The following SLC36A1 variants were observed in gnomAD, a reference collection of about 807,000 sequenced individuals.
SLC36A1 encodes the protein proton-coupled amino acid transporter 1.
A neutral mutation model predicts 47.5 loss-of-function variants in SLC36A1; 30 were observed. That is an observed-to-expected ratio of 0.63 (90% CI 0.47 to 0.86). The LOEUF (loss-of-function observed/expected upper bound fraction) is 0.86, where lower values mean the gene tolerates loss of function less well. Among genes scored for constraint, SLC36A1 ranks in the 40% least tolerant of loss-of-function variants. SLC36A1 has a pLI of 0.00. For missense variants in SLC36A1, 517 were observed against 606.0 expected, an observed-to-expected ratio of 0.85 and a Z score of 1.54; for synonymous variants, 255 against 249.7, an observed-to-expected ratio of 1.02 and a Z score of -0.20.
the SLC36A1 span, among the ~76,000 whole-genome samples, chr5:151,547,423 T>TG: frequency 6.6e-6 from 1 of 152,226 alleles, no homozygotes; most frequent in African/African-American, 2.4e-5. Context: ...GAGTAATACT[T>TG]GAATTGTTTT....
the SLC36A1 span, among the ~76,000 whole-genome samples, chr5:151,513,202 G>A: frequency 6.7e-3 from 1,014 of 152,308 alleles, 10 homozygotes; most frequent in African/African-American, 0.024. Context: ...CCAGGCAAAA[G>A]AGAGGCTTGC....
upstream of SLC36A1, among the ~76,000 whole-genome samples, chr5:151,433,456 T>TG (rs2127434236): frequency 6.7e-6 from 1 of 148,186 alleles, no homozygotes; most frequent in South Asian, 2.2e-4. Context: ...GCTGTTTTTT[T>TG]TTGTGTGTGT....
the SLC36A1 span, chr5:151,544,827 C>A: frequency 1.2e-6 from 2 of 1,614,184 alleles, no homozygotes; most frequent in East Asian, 2.2e-5. Context: ...CCCCATTTGT[C>A]CCCAAGTCCT....
the SLC36A1 span, among the ~76,000 whole-genome samples, chr5:151,520,420 T>G: frequency 2.0e-5 from 3 of 152,224 alleles, no homozygotes; most frequent in South Asian, 6.2e-4. Flanking sequence ...AAATCTCATA[T>G]CTCAGTTCCA....
chr5:151,450,292 A>G (rs1310713148), intron 1 of SLC36A1, among the ~76,000 whole-genome samples: 1 of 151,142 alleles, frequency 6.6e-6, no homozygotes, highest in Non-Finnish European at 1.5e-5. Flanking sequence ...GCTGATGTCC[A>G]CTTACTAGCA....
the SLC36A1 span, among the ~76,000 whole-genome samples, chr5:151,419,176 C>T: frequency 3.2e-3 from 494 of 152,282 alleles, 2 homozygotes; most frequent in African/African-American, 0.011. Context: ...ATAAATTATC[C>T]AGTCTTGGGC....
At chr5:151,512,184 G>A in the SLC36A1 span, 1 of 1,613,686 alleles carries the variant, frequency 6.2e-7, no homozygotes. This position sits in a 1 kb window ranked among gnomAD's most constrained non-coding sequence, Gnocchi z 4.1. Flanking sequence ...GGGTCCATGA[G>A]CACTTCCCAC....
the SLC36A1 span, chr5:151,540,875 C>T: frequency 9.2e-6 from 9 of 982,236 alleles, no homozygotes; most frequent in Non-Finnish European, 1.3e-5. Flanking sequence ...GGAAAGCAAA[C>T]ATTTCCTTCC....
At chr5:151,525,870 C>T in the SLC36A1 span, 2 of 1,614,102 alleles carry the variant, frequency 1.2e-6, no homozygotes, top group Non-Finnish European at 1.7e-6. Flanking sequence ...CGTTGTTCCC[C>T]TTGGTGATTC....
chr5:151,432,979 C>G (rs1580996729), upstream of SLC36A1, among the ~76,000 whole-genome samples: 2 of 151,796 alleles, frequency 1.3e-5, no homozygotes, highest in African/African-American at 2.4e-5. Flanking sequence ...AAAGCCATAC[C>G]TGGACTTCTG....
the SLC36A1 span, among the ~76,000 whole-genome samples, chr5:151,415,691 A>C: frequency 6.6e-6 from 1 of 152,180 alleles, no homozygotes; most frequent in Non-Finnish European, 1.5e-5. Flanking sequence ...TTTTCCTAGC[A>C]CACAGCATGA....
chr5:151,437,190 A>C (rs1759816909), intron 1 of SLC36A1: 1 of 152,348 alleles, frequency 6.6e-6, no homozygotes, highest in Admixed American at 6.5e-5. Flanking sequence ...GTAAGAGTTT[A>C]GGGGAGGCTC....
chr5:151,393,103 G>A, the SLC36A1 span, among the ~76,000 whole-genome samples: 60,919 of 147,730 alleles, frequency 0.41, 12,865 homozygotes, highest in African/African-American at 0.51. Context: ...GGGTGCATAT[G>A]TATTTAGGAT....
At chr5:151,430,331 A>AT in the SLC36A1 span, among the ~76,000 whole-genome samples, 268 of 117,494 alleles carry the variant, frequency 2.3e-3, 1 homozygote, top group Non-Finnish European at 3.0e-3. Flanking sequence ...CACCTGGCTA[A>AT]TTTTTTTTTT....
At chr5:151,521,019 C>A in the SLC36A1 span, among the ~76,000 whole-genome samples, 7 of 152,240 alleles carry the variant, frequency 4.6e-5, no homozygotes, top group African/African-American at 1.7e-4. Flanking sequence ...ACAGCCTATG[C>A]TCTTAGCCAT....
At chr5:151,371,038 T>G in the SLC36A1 span, among the ~76,000 whole-genome samples, 1 of 152,132 alleles carries the variant, frequency 6.6e-6, no homozygotes, top group African/African-American at 2.4e-5. Context: ...GTTATCATTC[T>G]GTGCATTGTA....
chr5:151,481,759 G>A (rs1457682192), intron 10 of SLC36A1, among the ~76,000 whole-genome samples: 1 of 152,052 alleles, frequency 6.6e-6, no homozygotes, highest in African/African-American at 2.4e-5. Flanking sequence ...AAGAGGGGGA[G>A]GGAAAACAAG....
chr5:151,416,467 C>A, the SLC36A1 span, among the ~76,000 whole-genome samples: 2 of 152,216 alleles, frequency 1.3e-5, no homozygotes, highest in African/African-American at 4.8e-5. Context: ...ATTTCTTATA[C>A]ATGATTGCTG....
At chr5:151,521,730 A>G in the SLC36A1 span, 1 of 1,613,988 alleles carries the variant, frequency 6.2e-7, no homozygotes, top group Non-Finnish European at 8.5e-7. Context: ...CCTGCCCCAC[A>G]TGCCACACGT....
Sources: gnomAD v4.1 joint callset for allele counts (sites outside exome capture counted in the v4.1 genomes callset) on GRCh38, gnomAD v4.1.1 for gene constraint, Gnocchi (gnomAD v3.1) non-coding constraint, MANE v1.5 for transcripts, NCBI Gene and HGNC (gene_info 2026-07-23, HGNC 2026-07-21) for gene names.